ADAMTS3: variants seen among roughly 807,000 people sequenced by gnomAD.
ADAMTS3 encodes A disintegrin and metalloproteinase with thrombospondin motifs 3.
A neutral mutation model predicts 129.0 loss-of-function variants in ADAMTS3; 73 were observed. The ratio of observed to expected loss-of-function variants is 0.57; its 90% CI spans 0.47 to 0.69. The LOEUF (loss-of-function observed/expected upper bound fraction) is 0.69. Among genes scored for constraint, ADAMTS3 ranks in the 30% least tolerant of loss-of-function variants. The probability of loss-of-function intolerance (pLI) is 0.00; values close to 1 mark genes in which losing one functional copy is unlikely to be tolerated. For synonymous variants in ADAMTS3, 477 were observed against 510.8 expected (o/e 0.93, Z 0.89); for missense variants, 1,457 against 1,514.5 (o/e 0.96, Z 0.63).
chr4:72,298,522 A>AT, intron 17 of ADAMTS3, 80 bp from the exon 18 acceptor site: 1 of 1,120,620 alleles, frequency 8.9e-7, no homozygotes, highest in Non-Finnish European at 1.2e-6. Context: ...ATTTCAGAAT[A>AT]TTGCTCTTAT....
At chr4:72,433,454 G>A (rs528054616) in intron 3 of ADAMTS3, among the ~76,000 whole-genome samples, 2 of 151,768 alleles carry the variant, frequency 1.3e-5, no homozygotes, top group Non-Finnish European at 2.9e-5. Flanking sequence ...ACTAAGACTC[G>A]ACCCTGGTAT....
chr4:72,298,217 A>ATTATT, intron 18 of ADAMTS3, 60 bp downstream of exon 18: 1 of 1,435,102 alleles, frequency 7.0e-7, no homozygotes, highest in Non-Finnish European at 9.5e-7. Context: ...ATAAAGGTAG[A>ATTATT]AGCAAGATTG....
In ADAMTS3 at chr4:72,283,167, C is replaced by A; in HGVS notation, c.3587G>T (p.Arg1196Leu). The A allele has an allele frequency of 6.2e-7, 1 of 1,612,010 alleles. No homozygotes were observed. The highest frequency in any genetic ancestry group is 2.2e-5 in the East Asian group (1 of 44,846). ...TTCTAAGGTGGATGATCTTGTCGGA[C>A]GTCTGTTGTCAATGATCTTTCCATC... ...KKDGKIIDNRRPTRSSTLER is the reference protein window; with the variant it reads ...KKDGKIIDNRLPTRSSTLER The change falls in exon 22 of 22, where the codon CGT becomes CTT. Residue 1196 changes from arginine (R) to leucine (L), a missense_variant. Transcript: ENST00000286657.
At chr4:72,442,464 GA>G (rs1220210283) in intron 3 of ADAMTS3, among the ~76,000 whole-genome samples, 1 of 151,508 alleles carries the variant, frequency 6.6e-6, no homozygotes, top group African/African-American at 2.4e-5. Context: ...AGCAAGAGAG[GA>G]AAAAAGCAAG....
chr4:72,513,060 A>T lies in ADAMTS3; in HGVS notation c.504+35418T>A, dbSNP rs1402434354. 2.6e-5 allele frequency among the ~76,000 whole-genome samples: 4 copies of T among 152,156 alleles called. No individual in the cohort carries two copies. The East Asian group carries it at 7.7e-4, about 29-fold the overall frequency. ...GTCTCAGCTTCAGTTACCTCCTTTA[A>T]AAGTTCCATGTCTTCCAAATTCCTG... On this transcript the variant is annotated intron_variant, in intron 3 of 21. Coordinates refer to ENST00000286657, the MANE Select transcript of ADAMTS3 (RefSeq NM_014243.3).
intron 4 of ADAMTS3, among the ~76,000 whole-genome samples, chr4:72,351,985 A>G (rs572501552): frequency 2.3e-4 from 35 of 151,146 alleles, no homozygotes; most frequent in Non-Finnish European, 4.4e-4. Context: ...AACAACAAGC[A>G]GTATGAAACA....
chr4:72,467,272 G>C (rs1288393022), intron 3 of ADAMTS3, among the ~76,000 whole-genome samples: 1 of 151,936 alleles, frequency 6.6e-6, no homozygotes, highest in Admixed American at 6.6e-5. Flanking sequence ...TACTTAGGTA[G>C]CCCCAAAATC....
At chr4:72,529,659 T>C (rs1264777055) in intron 3 of ADAMTS3, among the ~76,000 whole-genome samples, 2 of 129,212 alleles carry the variant, frequency 1.5e-5, no homozygotes, top group Non-Finnish European at 3.1e-5. Context: ...ATAATATATA[T>C]ATAAAATATT....
At chr4:72,359,083 A>C (rs1720655187) in intron 4 of ADAMTS3, among the ~76,000 whole-genome samples, 1 of 152,044 alleles carries the variant, frequency 6.6e-6, no homozygotes, top group Non-Finnish European at 1.5e-5. Flanking sequence ...TTAAAAGTCG[A>C]GAGTGAGTAG....
chr4:72,323,202 G>A, intron 5 of ADAMTS3, 105 bp from the exon 6 acceptor site: 1 of 836,730 alleles, frequency 1.2e-6, no homozygotes, highest in Non-Finnish European at 2.0e-6. Context: ...GTAAATTGCT[G>A]TTTTTAAATT....
chr4:72,369,868 T>C (rs1363531097), intron 4 of ADAMTS3, among the ~76,000 whole-genome samples: 1 of 152,066 alleles, frequency 6.6e-6, no homozygotes, highest in African/African-American at 2.4e-5. Context: ...GCAGGCTTTT[T>C]CCTTGGGGTA....
At chr4:72,406,662 G>C (rs2109915994) in intron 4 of ADAMTS3, among the ~76,000 whole-genome samples, 1 of 152,298 alleles carries the variant, frequency 6.6e-6, no homozygotes, top group South Asian at 2.1e-4. Context: ...CACTGCAAGT[G>C]GGCTGAGCAA....
Position 72,565,627 on chromosome 4 carries a change from G to A in ADAMTS3, c.97+1747C>T, listed in dbSNP as rs566886090. 5.3e-5 allele frequency among the ~76,000 whole-genome samples: 8 copies of A among 152,310 alleles called. No individual in the cohort carries two copies. The South Asian group carries it at 1.5e-3, about 28-fold the overall frequency. ...ATAAATAAGAATGGTAATAATAAAA[G>A]AGAGAAATCCCATAAAACAGATGAA... On this transcript the variant is annotated intron_variant, in intron 2 of 21. Transcript: ENST00000286657.
intron 10 of ADAMTS3, among the ~76,000 whole-genome samples, chr4:72,318,256 G>A (rs900643871): frequency 6.6e-6 from 1 of 152,140 alleles, no homozygotes; most frequent in Non-Finnish European, 1.5e-5. Context: ...ATGAAGATTT[G>A]AGCCTGGCAG....
At chr4:72,476,531 C>G (rs1468452547) in intron 3 of ADAMTS3, among the ~76,000 whole-genome samples, 1 of 151,926 alleles carries the variant, frequency 6.6e-6, no homozygotes, top group African/African-American at 2.4e-5. Context: ...GAGAATTCTA[C>G]CAAATGGTTG....
At chr4:72,366,050 C>T (rs1051368162) in intron 4 of ADAMTS3, among the ~76,000 whole-genome samples, 9 of 152,164 alleles carry the variant, frequency 5.9e-5, no homozygotes, top group African/African-American at 2.2e-4. Context: ...TTTAATGTCA[C>T]AAAGCATGGT....
chr4:72,436,839 C>T (rs886449495), intron 3 of ADAMTS3, among the ~76,000 whole-genome samples: 3 of 151,334 alleles, frequency 2.0e-5, no homozygotes, highest in African/African-American at 7.3e-5. Context: ...GGGAACATCA[C>T]ACACCGAGGA....
At chr4:72,311,726 A>C (rs1719240722) in intron 13 of ADAMTS3, among the ~76,000 whole-genome samples, 1 of 152,178 alleles carries the variant, frequency 6.6e-6, no homozygotes, top group African/African-American at 2.4e-5. Flanking sequence ...TAATCATATA[A>C]CTATTTCCTT....
rs1361695327 is a variant in ADAMTS3 at position 72,318,641 on chromosome 4, A to T, written c.1416T>A (p.Pro472=). The T allele has an allele frequency of 6.2e-7, 1 of 1,613,808 alleles. No homozygotes were observed. Among genetic ancestry groups the T allele is most frequent in the Non-Finnish European group, 8.5e-7 (1 of 1,179,890 alleles). The change falls in exon 10 of 22, where the codon CCT becomes CCA. Residue 472 remains proline, a synonymous_variant. Coordinates refer to ENST00000286657, the MANE Select transcript of ADAMTS3 (RefSeq NM_014243.3). ...DHDWPKLPEL[P]GINYSMDEQC... is the part of the protein sequence containing the mutation. ...GCTCATCCATAGAATAATTGATTCCAGGAAGTTCTGGGAGTTTAGGCCAAT... is the reference window on the plus strand; with the variant it reads ...GCTCATCCATAGAATAATTGATTCCTGGAAGTTCTGGGAGTTTAGGCCAAT...
Sources: gnomAD v4.1 joint callset for allele counts (sites outside exome capture counted in the v4.1 genomes callset) on GRCh38, gnomAD v4.1.1 for gene constraint, MANE v1.5 for transcripts, NCBI Gene and HGNC (gene_info 2026-07-23, HGNC 2026-07-21) for gene names.